PRKCB: variants seen among roughly 807,000 people sequenced by gnomAD.
PRKCB encodes protein kinase C beta type.
Under a neutral mutation model 81.5 loss-of-function variants are expected in PRKCB, and 13 were observed. That is an observed-to-expected ratio of 0.16 (90% CI 0.10 to 0.25). PRKCB has a LOEUF of 0.25. PRKCB is among the 10% of genes least tolerant of loss of function. The pLI, the probability that PRKCB is intolerant of heterozygous loss-of-function variation, is 1.00. For synonymous variants in PRKCB, 335 were observed against 321.4 expected, an observed-to-expected ratio of 1.04 and a Z score of -0.45; for missense variants, 509 against 875.7, an observed-to-expected ratio of 0.58 and a Z score of 5.29.
In PRKCB at chr16:24,131,536, A is replaced by T. The variant is rs568741606; in HGVS notation, c.1065+7555A>T. ...CTATAGTCTTGGCCAAGTTTTCCAA[A>T]TATTAGTCATTTATGCACCTGTTAT... On this transcript the variant is annotated intron_variant, in intron 9 of 16. Transcript: ENST00000643927. 1.1e-4 allele frequency among the ~76,000 whole-genome samples: 17 copies of T among 152,344 alleles called. No homozygotes were observed. The South Asian group carries it at 3.5e-3, about 32-fold the overall frequency.
chr16:24,124,343 A>G (rs1966836514), intron 9 of PRKCB, among the ~76,000 whole-genome samples: 1 of 152,144 alleles, frequency 6.6e-6, no homozygotes, highest in South Asian at 2.1e-4. Context: ...TTGGGGCAAA[A>G]TGTCACTAGC....
chr16:24,186,575 C>G (rs540398903), intron 15 of PRKCB, among the ~76,000 whole-genome samples: 1 of 152,364 alleles, frequency 6.6e-6, no homozygotes, highest in East Asian at 1.9e-4. Context: ...ACCTGTGTGT[C>G]TGAATAAACC....
intron 5 of PRKCB, among the ~76,000 whole-genome samples, chr16:24,073,918 G>A (rs1021620503): frequency 7.2e-5 from 11 of 151,904 alleles, no homozygotes; most frequent in Admixed American, 2.6e-4. Context: ...CGAGGCAGGC[G>A]GATCACGAGG....
At position 24,218,944 on chromosome 16, in the gene PRKCB, G is replaced by A. The variant is rs3087957; in HGVS notation, c.*4128G>A. ...AATCAGGAACCCACTGAAATCTTGG[G>A]CAAGCCACCCTGCCTGCTTGTGCCT... On this transcript the variant is annotated 3_prime_UTR_variant, in exon 17 of 17. Coordinates refer to ENST00000643927, the MANE Select transcript of PRKCB (RefSeq NM_002738.7). The A allele has an allele frequency of 1.0e-5, 10 of 985,310 alleles. No individual in the cohort carries two copies. The allele number at this position is 985,310 out of a possible 1,614,324, so 61.0% of individuals were successfully genotyped here. A position where few individuals can be genotyped will look rare whatever the true frequency, so the allele number is the denominator to read the frequency against.
chr16:23,984,489 AG>A (rs1283964736), intron 2 of PRKCB, among the ~76,000 whole-genome samples: 1 of 152,364 alleles, frequency 6.6e-6, no homozygotes, highest in East Asian at 1.9e-4. Context: ...GAACAAAAAA[AG>A]TTAAAGTAGC....
intron 2 of PRKCB, among the ~76,000 whole-genome samples, chr16:23,896,257 A>G (rs1963377493): frequency 6.6e-6 from 1 of 152,196 alleles, no homozygotes; most frequent in Non-Finnish European, 1.5e-5. Flanking sequence ...ACTTTTTTAA[A>G]GATGTGACTC....
At chr16:24,021,383 C>T (rs1251411211) in intron 3 of PRKCB, among the ~76,000 whole-genome samples, 1 of 119,356 alleles carries the variant, frequency 8.4e-6, no homozygotes, top group Non-Finnish European at 1.7e-5. Context: ...CCCCCCTCCT[C>T]CATCTCTCTC....
intron 2 of PRKCB, among the ~76,000 whole-genome samples, chr16:23,917,326 A>G (rs1480931664): frequency 6.6e-6 from 1 of 152,056 alleles, no homozygotes; most frequent in Non-Finnish European, 1.5e-5. Context: ...CAGATGATCC[A>G]CCTGCCTCCC....
At chr16:24,174,384 GAGCTATAT>G (rs1340727671) in intron 11 of PRKCB, 126 bp from the exon 12 acceptor site, 5 of 745,046 alleles carry the variant, frequency 6.7e-6, no homozygotes, top group African/African-American at 5.3e-5. Flanking sequence ...AGCACTTTAT[GAGCTATAT>G]AGCTGACCAT....
At chr16:24,184,914 G>A (rs1171559138) in intron 13 of PRKCB, among the ~76,000 whole-genome samples, 197 bp from the exon 14 acceptor site, 6 of 152,144 alleles carry the variant, frequency 3.9e-5, no homozygotes, top group African/African-American at 1.2e-4. Flanking sequence ...TTAGTGCTTC[G>A]AAAAGGCAAT....
At chr16:23,856,303 A>G (rs939654871) in intron 2 of PRKCB, among the ~76,000 whole-genome samples, 1 of 152,140 alleles carries the variant, frequency 6.6e-6, no homozygotes, top group Non-Finnish European at 1.5e-5. Flanking sequence ...TCAAGCCCAG[A>G]CTGCATGACT....
chr16:24,011,995 T>C (rs1167801882), intron 3 of PRKCB, among the ~76,000 whole-genome samples: 1 of 152,230 alleles, frequency 6.6e-6, no homozygotes, highest in Non-Finnish European at 1.5e-5. Flanking sequence ...CTTTAGGTCC[T>C]GGCTTCACTC....
At chr16:23,847,288 G>T (rs1962385409) in intron 2 of PRKCB, among the ~76,000 whole-genome samples, 1 of 152,028 alleles carries the variant, frequency 6.6e-6, no homozygotes, top group Admixed American at 6.6e-5. Flanking sequence ...ATATCTTCAT[G>T]ACCTTTGGGT....
intron 2 of PRKCB, among the ~76,000 whole-genome samples, chr16:23,940,399 A>G (rs138335532): frequency 6.6e-6 from 1 of 152,126 alleles, no homozygotes; most frequent in Non-Finnish European, 1.5e-5. Flanking sequence ...GTGAATATTT[A>G]TAGCAAGCAA....
At chr16:24,043,270 G>GT (rs1965725180) in intron 5 of PRKCB, among the ~76,000 whole-genome samples, 2 of 151,968 alleles carry the variant, frequency 1.3e-5, no homozygotes, top group Admixed American at 6.5e-5. Context: ...CTTAATAGTT[G>GT]TTCAATTTTT....
At chr16:24,100,580 C>G (rs941891961) in intron 7 of PRKCB, among the ~76,000 whole-genome samples, 6 of 152,234 alleles carry the variant, frequency 3.9e-5, no homozygotes, top group Admixed American at 6.5e-5. Flanking sequence ...GGATAGGTCT[C>G]TGGCCAGCGT....
At chr16:23,872,085 G>A (rs952229857) in intron 2 of PRKCB, among the ~76,000 whole-genome samples, 2 of 152,042 alleles carry the variant, frequency 1.3e-5, no homozygotes, top group African/African-American at 2.4e-5. Context: ...GCTTTGCCAC[G>A]GCTCTTCTTG....
chr16:24,185,272 G>C, intron 14 of PRKCB, 81 bp downstream of exon 14: 1 of 1,387,160 alleles, frequency 7.2e-7, no homozygotes, highest in Non-Finnish European at 1.0e-6. Flanking sequence ...TGCATGTTTG[G>C]TAACAGCTCA....
At chr16:24,096,333 C>T (rs1223399988) in intron 7 of PRKCB, among the ~76,000 whole-genome samples, 4 of 151,996 alleles carry the variant, frequency 2.6e-5, no homozygotes, top group Admixed American at 1.3e-4. Context: ...CCCAGGAAAG[C>T]GTAAGGGCAG....
Sources: allele counts gnomAD v4.1 joint callset (sites outside exome capture counted in the v4.1 genomes callset), GRCh38; gene constraint gnomAD v4.1.1; transcripts MANE v1.5; gene names NCBI Gene and HGNC (gene_info 2026-07-23, HGNC 2026-07-21).